TULP4: variants seen among roughly 807,000 people sequenced by gnomAD.
TULP4 encodes tubby-related protein 4.
A neutral mutation model predicts 129.0 loss-of-function variants in TULP4; 16 were observed. The ratio of observed to expected loss-of-function variants is 0.12; its 90% CI spans 0.08 to 0.19. The LOEUF is 0.19. Among genes scored for constraint, TULP4 ranks in the 10% least tolerant of loss-of-function variants. The pLI is 1.00. For synonymous variants in TULP4, 998 were observed against 854.0 expected (o/e 1.17, Z -2.94); for missense variants, 1,842 against 2,059.1 (o/e 0.89, Z 2.04).
chr6:158,429,692 C>G, intron 2 of TULP4, 44 bp from the exon 3 acceptor site: 1 of 1,582,994 alleles, frequency 6.3e-7, no homozygotes, highest in East Asian at 2.3e-5. Context: ...AAATGTTTTC[C>G]TTTTCAGATT....
rs199606118 is a variant in TULP4 at position 158,482,204 on chromosome 6, TC to T, written c.1486+918del. On this transcript the variant is annotated intron_variant, in intron 8 of 13. Transcript: ENST00000367097. ...TTTACTCTCCTGCCCATTAGTCTGG[TC>T]CCTGCCTCTCATTACGACCTGGAGC... Among the ~76,000 whole-genome samples the T allele has an allele frequency of 3.6e-3, 554 of 152,254 alleles. 4 individuals carry two copies. The highest frequency in any genetic ancestry group is 0.012 in the African/African-American group (516 of 41,540).
At chr6:158,264,962 A>G (rs1778422760) in intron 1 of TULP4, among the ~76,000 whole-genome samples, 1 of 152,242 alleles carries the variant, frequency 6.6e-6, no homozygotes, top group African/African-American at 2.4e-5. Flanking sequence ...GCAGAAAAGC[A>G]TCTGTGAGGG....
intron 1 of TULP4, among the ~76,000 whole-genome samples, chr6:158,346,479 C>G (rs1780315652): frequency 6.6e-6 from 1 of 151,974 alleles, no homozygotes; most frequent in Admixed American, 6.6e-5. Flanking sequence ...CACTAGGAAA[C>G]CAAAAAATGG....
At chr6:158,237,184 G>T (rs1271385481) in intron 1 of TULP4, among the ~76,000 whole-genome samples, 1 of 152,098 alleles carries the variant, frequency 6.6e-6, no homozygotes, top group Admixed American at 6.5e-5. Flanking sequence ...AGACTTTGAG[G>T]AAGATGTTTT....
intron 2 of TULP4, among the ~76,000 whole-genome samples, chr6:158,425,892 C>G (rs371759503): frequency 6.6e-6 from 1 of 152,118 alleles, no homozygotes; most frequent in Admixed American, 6.5e-5. Flanking sequence ...CCTCGCCCTG[C>G]CCTGTTTTTT....
At chr6:158,336,092 C>G (rs781017195) in intron 1 of TULP4, among the ~76,000 whole-genome samples, 1 of 152,188 alleles carries the variant, frequency 6.6e-6, no homozygotes, top group Non-Finnish European at 1.5e-5. Context: ...CACAGCTTCA[C>G]CCATAGTATA....
At chr6:158,417,116 C>T (rs1278625581) in intron 2 of TULP4, among the ~76,000 whole-genome samples, 2 of 152,132 alleles carry the variant, frequency 1.3e-5, no homozygotes, top group Non-Finnish European at 2.9e-5. Flanking sequence ...TGACTGTATA[C>T]CCCAAGGAGC....
Position 158,501,892 on chromosome 6 carries a change from G to C in TULP4, c.2229G>C (p.Gln743His). ...TAEHAGDSAT[Q>H]YPVSNRYSNP... ...AACATGCAGGTGACAGTGCCACCCA[G>C]TACCCAGTCTCCAACCGGTACTCCA... The change falls in exon 13 of 14, where the codon CAG (glutamine) becomes CAC (histidine). Residue 743 changes from glutamine (Q) to histidine (H), a missense_variant. Coordinates refer to ENST00000367097, the MANE Select transcript of TULP4 (RefSeq NM_020245.5). The C allele has an allele frequency of 5.0e-6, 8 of 1,614,104 alleles. No individual in the cohort carries two copies. Among genetic ancestry groups the C allele is most frequent in the Non-Finnish European group, 6.8e-6 (8 of 1,180,008 alleles).
chr6:158,435,894 A>G (rs183257191), intron 3 of TULP4, among the ~76,000 whole-genome samples: 72 of 149,774 alleles, frequency 4.8e-4, no homozygotes, highest in Admixed American at 2.0e-3. Context: ...TGTGCCCTCA[A>G]CTGGGAATCC....
At chr6:158,284,456 A>T (rs1778805075) in intron 1 of TULP4, among the ~76,000 whole-genome samples, 1 of 152,230 alleles carries the variant, frequency 6.6e-6, no homozygotes, top group Non-Finnish European at 1.5e-5. Flanking sequence ...GCTGCTGAAG[A>T]GCTGGGGATA....
chr6:158,338,400 T>C (rs1462810158), intron 1 of TULP4, among the ~76,000 whole-genome samples: 5 of 152,144 alleles, frequency 3.3e-5, no homozygotes, highest in African/African-American at 1.2e-4. Context: ...GACACATAAT[T>C]TAGTGAACAT....
At chr6:158,234,402 T>C (rs985181357) in intron 1 of TULP4, among the ~76,000 whole-genome samples, 1 of 152,240 alleles carries the variant, frequency 6.6e-6, no homozygotes, top group Non-Finnish European at 1.5e-5. Flanking sequence ...GGATAGTTTA[T>C]AGGACAGTGG....
At chr6:158,235,762 G>T (rs1020709988) in intron 1 of TULP4, among the ~76,000 whole-genome samples, 2 of 152,202 alleles carry the variant, frequency 1.3e-5, no homozygotes, top group Non-Finnish European at 2.9e-5. Flanking sequence ...GGTACTTCAT[G>T]ATGATCAGGA....
chr6:158,342,900 A>G lies in TULP4; in HGVS notation c.252+28632A>G, dbSNP rs186515188. Among the ~76,000 whole-genome samples, 305 of 152,132 alleles carry G rather than the reference A, an allele frequency of 2.0e-3. 2 individuals are homozygous for G. Among genetic ancestry groups the G allele is most frequent in the African/African-American group, 6.5e-3 (269 of 41,448 alleles). The stretch of plus-strand genomic sequence containing the variant: ...TTGACCCTAAGAATAGGCTCAATAA[A>G]TGATCACTGCTAGGCTTCCTATAGT... On this transcript the variant is annotated intron_variant, in intron 1 of 13. Transcript: ENST00000367097.
At chr6:158,324,917 G>C (rs1779712912) in intron 1 of TULP4, among the ~76,000 whole-genome samples, 1 of 152,134 alleles carries the variant, frequency 6.6e-6, no homozygotes, top group South Asian at 2.1e-4. Context: ...GAATGACTGT[G>C]GTATGTGTGT....
At chr6:158,243,129 G>A (rs993908884) in intron 1 of TULP4, among the ~76,000 whole-genome samples, 1 of 152,146 alleles carries the variant, frequency 6.6e-6, no homozygotes, top group Non-Finnish European at 1.5e-5. Flanking sequence ...GGAGACTGGT[G>A]TAATAAAGCA....
At chr6:158,367,138 TC>T (rs1388420249) in intron 1 of TULP4, among the ~76,000 whole-genome samples, 1 of 152,202 alleles carries the variant, frequency 6.6e-6, no homozygotes, top group African/African-American at 2.4e-5. Context: ...CACTGTCACC[TC>T]TTTTCTTTCT....
At chr6:158,486,019 TAGAGTTGATATTGAAATA>T (rs1412928142) in intron 8 of TULP4, among the ~76,000 whole-genome samples, 1 of 152,188 alleles carries the variant, frequency 6.6e-6, no homozygotes, top group Non-Finnish European at 1.5e-5. Flanking sequence ...TTCTGGACTT[TAGAGTTGATATTGAAATA>T]AGTTAAGACT....
chr6:158,494,935 G>A (rs1239416059), intron 11 of TULP4, 89 bp downstream of exon 11: 1 of 1,019,498 alleles, frequency 9.8e-7, no homozygotes, highest in Non-Finnish European at 1.5e-6. Context: ...ACTAGGAGAT[G>A]AACTTTTAAG....
Sources: gnomAD v4.1 joint callset for allele counts (sites outside exome capture counted in the v4.1 genomes callset) on GRCh38, gnomAD v4.1.1 for gene constraint, MANE v1.5 for transcripts, NCBI Gene and HGNC (gene_info 2026-07-23, HGNC 2026-07-21) for gene names.